The following FAM210A variants were observed in gnomAD, a reference collection of about 807,000 sequenced individuals.
FAM210A encodes mitochondrial inner membrane scaffold 1, also known as family with sequence similarity 210 member A.
In FAM210A, 13 loss-of-function variants were observed where a neutral mutation model predicts 25.3. The observed-to-expected ratio is 0.51, with a 90% CI of 0.33 to 0.82. The LOEUF is 0.82. FAM210A is among the 40% of genes least tolerant of loss of function. The pLI, the probability that FAM210A is intolerant of heterozygous loss-of-function variation, is 0.02. For synonymous variants in FAM210A, 125 were observed against 118.7 expected (o/e 1.05, Z -0.35); for missense variants, 319 against 323.2 (o/e 0.99, Z 0.10).
chr18:13,716,768 A>T (rs2043864949), intron 1 of FAM210A, among the ~76,000 whole-genome samples: 1 of 152,144 alleles, frequency 6.6e-6, no homozygotes, highest in Non-Finnish European at 1.5e-5. Flanking sequence ...TGCCTTGTGA[A>T]GAAGGTGCCT....
chr18:13,701,096 G>C (rs780584669), intron 1 of FAM210A, among the ~76,000 whole-genome samples: 12 of 152,288 alleles, frequency 7.9e-5, no homozygotes, highest in Non-Finnish European at 1.3e-4. Flanking sequence ...TTAACAGATG[G>C]TGTCAGAAGT....
chr18:13,720,680 G>A (rs1368684507), intron 1 of FAM210A, among the ~76,000 whole-genome samples: 1 of 152,062 alleles, frequency 6.6e-6, no homozygotes, highest in Admixed American at 6.6e-5. Context: ...TTGTGGAAGG[G>A]AAGCACAATC....
rs149970175 is a variant in FAM210A, at chr18:13,718,816, G to A, written c.-29+7513C>T. ...ACATATATTTTACACCAAGTAAATC[G>A]CAATAGAACCTGTTTCAGCTTGGCT... On this transcript the variant is annotated intron_variant, in intron 1 of 3. Transcript: ENST00000651643. Among the ~76,000 whole-genome samples the A allele has an allele frequency of 3.9e-5, 6 of 152,134 alleles. No individual in the cohort carries two copies. The East Asian group carries it at 5.8e-4, about 15-fold the overall frequency.
chr18:13,680,619 G>C (rs2043545074), intron 2 of FAM210A, among the ~76,000 whole-genome samples: 1 of 152,126 alleles, frequency 6.6e-6, no homozygotes, highest in African/African-American at 2.4e-5. Flanking sequence ...TGAGCTTTAC[G>C]TACAACACTA....
At chr18:13,683,729 C>G (rs1000885176) in intron 1 of FAM210A, among the ~76,000 whole-genome samples, 5 of 152,114 alleles carry the variant, frequency 3.3e-5, no homozygotes, top group African/African-American at 1.2e-4. Flanking sequence ...CTTCCCACTC[C>G]CAATGCCAGC....
intron 1 of FAM210A, among the ~76,000 whole-genome samples, chr18:13,722,659 A>G (rs1208950813): frequency 6.6e-6 from 1 of 152,196 alleles, no homozygotes; most frequent in Admixed American, 6.5e-5. Flanking sequence ...CCAAGGTGAG[A>G]AGGGAATTCA....
chr18:13,668,744 A>G (rs904323204), intron 3 of FAM210A, among the ~76,000 whole-genome samples: 10 of 152,228 alleles, frequency 6.6e-5, no homozygotes, highest in African/African-American at 2.4e-4. Context: ...ACAGCACACT[A>G]CTGTGCCGAA....
At chr18:13,708,536 C>G (rs150622838) in intron 1 of FAM210A, among the ~76,000 whole-genome samples, 107 of 152,300 alleles carry the variant, frequency 7.0e-4, no homozygotes, top group African/African-American at 2.4e-3. Context: ...TTAGCATAAC[C>G]TGTTACGGGG....
At chr18:13,717,192 C>T (rs1159426827) in intron 1 of FAM210A, among the ~76,000 whole-genome samples, 1 of 152,094 alleles carries the variant, frequency 6.6e-6, no homozygotes, top group Non-Finnish European at 1.5e-5. Flanking sequence ...TATGTTAATC[C>T]CCCCAAGCAA....
chr18:13,690,533 C>T (rs117257220), intron 1 of FAM210A, among the ~76,000 whole-genome samples: 2,351 of 152,328 alleles, frequency 0.015, 39 homozygotes, highest in Admixed American at 0.064. Flanking sequence ...CTCATACAGA[C>T]GGCTGCCCCT....
intron 1 of FAM210A, among the ~76,000 whole-genome samples, chr18:13,719,412 G>C (rs2043883242): frequency 6.6e-6 from 1 of 152,198 alleles, no homozygotes; most frequent in Admixed American, 6.5e-5. Flanking sequence ...TTTTAAGTCT[G>C]CCTTGAAAAC....
intron 1 of FAM210A, among the ~76,000 whole-genome samples, chr18:13,698,974 C>T (rs993149291): frequency 1.3e-5 from 2 of 152,116 alleles, no homozygotes; most frequent in African/African-American, 2.4e-5. Context: ...CTTTAACTCT[C>T]GTCTTCCCTT....
chr18:13,699,931 T>C (rs140622900), intron 1 of FAM210A, among the ~76,000 whole-genome samples: 2 of 152,200 alleles, frequency 1.3e-5, no homozygotes, highest in Admixed American at 1.3e-4. Context: ...TCCTACACTA[T>C]GGGTAAAAAA....
chr18:13,681,118 A>G (rs2043549566), intron 2 of FAM210A, among the ~76,000 whole-genome samples: 1 of 152,218 alleles, frequency 6.6e-6, no homozygotes, highest in Non-Finnish European at 1.5e-5. Context: ...TCTAAGAAAT[A>G]TATAATTATG....
intron 1 of FAM210A, among the ~76,000 whole-genome samples, chr18:13,692,902 A>C (rs914935029): frequency 3.3e-5 from 5 of 152,232 alleles, no homozygotes; most frequent in Admixed American, 2.0e-4. Context: ...AGATCAGAGC[A>C]GAACTGAAGG....
At chr18:13,717,263 T>C (rs117958212) in intron 1 of FAM210A, among the ~76,000 whole-genome samples, 2,578 of 152,290 alleles carry the variant, frequency 0.017, 29 homozygotes, top group Middle Eastern at 0.061. Context: ...AACTAGAGAT[T>C]AGTGCCCGAG....
chr18:13,686,667 T>A (rs1367137235), intron 1 of FAM210A, among the ~76,000 whole-genome samples: 1 of 152,074 alleles, frequency 6.6e-6, no homozygotes, highest in Non-Finnish European at 1.5e-5. Context: ...CAAACTTAGA[T>A]GAAATGGACC....
At chr18:13,690,093 C>A (rs1214095991) in intron 1 of FAM210A, among the ~76,000 whole-genome samples, 1 of 152,214 alleles carries the variant, frequency 6.6e-6, no homozygotes, top group African/African-American at 2.4e-5. Flanking sequence ...TAGCAAACAG[C>A]ACACCAGATT....
intron 1 of FAM210A, among the ~76,000 whole-genome samples, chr18:13,723,762 T>A (rs892582310): frequency 6.6e-6 from 1 of 152,192 alleles, no homozygotes; most frequent in Non-Finnish European, 1.5e-5. Flanking sequence ...AAACTAATCA[T>A]CACACACAGT....
Sources: gnomAD v4.1 joint callset for allele counts (sites outside exome capture counted in the v4.1 genomes callset) on GRCh38, gnomAD v4.1.1 for gene constraint, MANE v1.5 for transcripts, NCBI Gene and HGNC (gene_info 2026-07-23, HGNC 2026-07-21) for gene names.